The following PPP3CA variants were observed in gnomAD, a reference collection of about 807,000 sequenced individuals.
PPP3CA encodes the protein protein phosphatase 3 catalytic subunit alpha, also known as CAM-PRP catalytic subunit.
Under a neutral mutation model 66.5 loss-of-function variants are expected in PPP3CA, and 14 were observed. The ratio of observed to expected loss-of-function variants is 0.21; its 90% CI spans 0.14 to 0.33. The LOEUF (loss-of-function observed/expected upper bound fraction) is 0.33, where lower values mean the gene tolerates loss of function less well. Among genes scored for constraint, PPP3CA ranks in the 10% least tolerant of loss-of-function variants. The pLI is 1.00. For missense variants in PPP3CA, 317 were observed against 639.5 expected, an observed-to-expected ratio of 0.50 and a Z score of 5.44; for synonymous variants, 232 against 226.2, an observed-to-expected ratio of 1.03 and a Z score of -0.23.
Position 101,099,750 on chromosome 4 carries a change from T to A in PPP3CA, c.385-28A>T, listed in dbSNP as rs776861248. On this transcript the variant is annotated intron_variant, in intron 3 of 13. Coordinates refer to ENST00000394854, the MANE Select transcript of PPP3CA (RefSeq NM_000944.5). ...GAGAAAAATAAAAATAATATAAAAATAAATATTTTTCCTTAACACTTATGC... is the reference window on the plus strand; with the variant it reads ...GAGAAAAATAAAAATAATATAAAAAAAAATATTTTTCCTTAACACTTATGC... 18 of 1,238,802 alleles carry A rather than the reference T, an allele frequency of 1.5e-5. No individual in the cohort carries two copies. In the African/African-American group the frequency reaches 2.7e-4, roughly 19 times the overall value. The allele number at this position is 1,238,802 out of a possible 1,614,324, so 76.7% of individuals were successfully genotyped here. A position where few individuals can be genotyped will look rare whatever the true frequency, so the allele number is the denominator to read the frequency against.
At chr4:101,332,142 A>G (rs1729407728) in intron 1 of PPP3CA, among the ~76,000 whole-genome samples, 1 of 152,208 alleles carries the variant, frequency 6.6e-6, no homozygotes, top group African/African-American at 2.4e-5. Flanking sequence ...TAGGAAACAC[A>G]GGAGAACAGA....
chr4:101,275,842 T>C (rs1727472985), intron 1 of PPP3CA, among the ~76,000 whole-genome samples: 1 of 151,698 alleles, frequency 6.6e-6, no homozygotes, highest in South Asian at 2.1e-4. Flanking sequence ...TCGCTTTTTG[T>C]TTTCTGTGTG....
intron 1 of PPP3CA, among the ~76,000 whole-genome samples, chr4:101,295,072 C>T (rs375700325): frequency 2.4e-3 from 370 of 151,498 alleles, no homozygotes; most frequent in Middle Eastern, 0.017. Context: ...GAGGCCGAGG[C>T]GGGTGGATCA....
In PPP3CA at chr4:101,024,006, T is replaced by TACA. The variant is rs1274617536; in HGVS notation, c.*1856_*1858dup. On this transcript the variant is annotated 3_prime_UTR_variant, in exon 14 of 14. Coordinates refer to ENST00000394854, the MANE Select transcript of PPP3CA (RefSeq NM_000944.5). ...TTTAGCAGATAGATAGGGCATCCAA[T>TACA]ACAACTGAAACAACCTGATAACAAA... 2 of 152,548 alleles carry TACA rather than the reference T, an allele frequency of 1.3e-5. No individual in the cohort carries two copies. The highest frequency in any genetic ancestry group is 4.8e-5 in the African/African-American group (2 of 41,576). The allele number at this position is 152,548 out of a possible 1,614,324, so 9.4% of individuals were successfully genotyped here.
intron 1 of PPP3CA, among the ~76,000 whole-genome samples, chr4:101,231,666 T>A (rs1297833385): frequency 1.3e-5 from 2 of 151,708 alleles, no homozygotes; most frequent in Non-Finnish European, 3.0e-5. Flanking sequence ...ATAACACATA[T>A]CTTGCTGCAA....
At chr4:101,291,707 T>C (rs1728031976) in intron 1 of PPP3CA, among the ~76,000 whole-genome samples, 1 of 152,200 alleles carries the variant, frequency 6.6e-6, no homozygotes, top group Non-Finnish European at 1.5e-5. Flanking sequence ...AAACACAGGC[T>C]GATTACTTGG....
Position 101,039,673 on chromosome 4 carries a change from T to G in PPP3CA, c.1241+809A>C, listed in dbSNP as rs536045338. Reference sequence around the variant, plus strand: ...GACTGTACCAGGAAGAGGATAGAAATAGCAAGAGGAGAAATCAAAAGAGCC... The same window carrying G: ...GACTGTACCAGGAAGAGGATAGAAAGAGCAAGAGGAGAAATCAAAAGAGCC... On this transcript the variant is annotated intron_variant, in intron 11 of 13. Coordinates refer to ENST00000394854, the MANE Select transcript of PPP3CA (RefSeq NM_000944.5). 2.1e-5 allele frequency among the ~76,000 whole-genome samples: 3 copies of G among 143,896 alleles called. 1 individual carries two copies. The South Asian group carries it at 7.2e-4, about 34-fold the overall frequency. The allele number at this position is 143,896 out of a possible 152,430, so 94.4% of individuals were successfully genotyped here.
At chr4:101,148,736 C>T (rs967002460) in intron 2 of PPP3CA, among the ~76,000 whole-genome samples, 1 of 152,110 alleles carries the variant, frequency 6.6e-6, no homozygotes, top group Non-Finnish European at 1.5e-5. Flanking sequence ...AATGTACCAT[C>T]AGACCCAGGA....
chr4:101,193,218 T>C (rs73833264), intron 2 of PPP3CA, among the ~76,000 whole-genome samples: 1 of 152,222 alleles, frequency 6.6e-6, no homozygotes, highest in African/African-American at 2.4e-5. Flanking sequence ...ATATACCACC[T>C]GTACCAGGTA....
At chr4:101,269,067 T>C (rs903588539) in intron 1 of PPP3CA, among the ~76,000 whole-genome samples, 1 of 152,142 alleles carries the variant, frequency 6.6e-6, no homozygotes, top group Non-Finnish European at 1.5e-5. Context: ...TTGTTATCTT[T>C]TAGCAATGTT....
At chr4:101,091,985 G>A (rs1729973585) in intron 6 of PPP3CA, among the ~76,000 whole-genome samples, 1 of 151,804 alleles carries the variant, frequency 6.6e-6, no homozygotes, top group Non-Finnish European at 1.5e-5. Context: ...TTTCACATAA[G>A]CTGTATGTAT....
chr4:101,052,097 A>T (rs1728036292), intron 10 of PPP3CA, among the ~76,000 whole-genome samples: 1 of 152,094 alleles, frequency 6.6e-6, no homozygotes. Context: ...CAGATAATTA[A>T]GAAACACATT....
Position 101,098,551 on chromosome 4 carries a change from G to A in PPP3CA, c.497-39C>T, listed in dbSNP as rs773577718. On this transcript the variant is annotated intron_variant, in intron 4 of 13. Coordinates refer to ENST00000394854, the MANE Select transcript of PPP3CA (RefSeq NM_000944.5). Reference sequence around the variant, plus strand: ...TTAAAAGAATACTTATGATTTATAGGCAGGATCATTTCACTGAAATAGTTT... The same window carrying A: ...TTAAAAGAATACTTATGATTTATAGACAGGATCATTTCACTGAAATAGTTT... 9.1e-6 allele frequency: 14 copies of A among 1,538,124 alleles called. 1 individual carries two copies. Among genetic ancestry groups the A allele is most frequent in the Middle Eastern group, 1.7e-4 (1 of 5,874 alleles).
chr4:101,195,525 CTT>C (rs1312418979), intron 2 of PPP3CA, among the ~76,000 whole-genome samples: 2 of 152,064 alleles, frequency 1.3e-5, no homozygotes, highest in Non-Finnish European at 2.9e-5. Context: ...GGGGATCACA[CTT>C]TGAAAACCAC....
chr4:101,067,393 G>C (rs1728724728), intron 8 of PPP3CA, among the ~76,000 whole-genome samples: 1 of 151,902 alleles, frequency 6.6e-6, no homozygotes, highest in African/African-American at 2.4e-5. Context: ...AACACAACTG[G>C]TTCCCTGTAC....
intron 1 of PPP3CA, among the ~76,000 whole-genome samples, chr4:101,328,223 G>C (rs1344388663): frequency 1.3e-5 from 2 of 152,096 alleles, no homozygotes; most frequent in Non-Finnish European, 2.9e-5. Context: ...ATCAAACAAG[G>C]TTCAGTTGGA....
chr4:101,316,799 C>T (rs957530548), intron 1 of PPP3CA, among the ~76,000 whole-genome samples: 2 of 152,178 alleles, frequency 1.3e-5, no homozygotes, highest in African/African-American at 4.8e-5. Context: ...ATAATTGGTA[C>T]ATCTGTAAGT....
intron 11 of PPP3CA, 66 bp downstream of exon 11, chr4:101,040,416 A>T: frequency 8.9e-7 from 1 of 1,123,562 alleles, no homozygotes; most frequent in Non-Finnish European, 1.2e-6. Context: ...AGATGAAAGT[A>T]TTAAAGTATT....
chr4:101,271,873 T>C (rs1207732415), intron 1 of PPP3CA, among the ~76,000 whole-genome samples: 3 of 152,204 alleles, frequency 2.0e-5, no homozygotes, highest in Admixed American at 6.5e-5. Flanking sequence ...ACAAAAGTGC[T>C]GTTGGTGAAT....
Sources: allele counts gnomAD v4.1 joint callset (sites outside exome capture counted in the v4.1 genomes callset), GRCh38; gene constraint gnomAD v4.1.1; transcripts MANE v1.5; gene names NCBI Gene and HGNC (gene_info 2026-07-23, HGNC 2026-07-21).